The following MAGI2 variants were observed in gnomAD, a reference collection of about 807,000 sequenced individuals.
MAGI2 encodes membrane associated guanylate kinase, WW and PDZ domain containing 2, also known as membrane-associated guanylate kinase, WW and PDZ domain-containing protein 2.
MAGI2 carries 35 observed loss-of-function variants against 133.3 expected under a neutral mutation model. That is an observed-to-expected ratio of 0.26 (90% CI 0.20 to 0.35). The LOEUF is 0.35. Among genes scored for constraint, MAGI2 ranks in the 10% least tolerant of loss-of-function variants. The pLI is 1.00. For synonymous variants in MAGI2, 729 were observed against 710.6 expected (o/e 1.03, Z -0.41); for missense variants, 1,636 against 1,863.4 (o/e 0.88, Z 2.25).
At chr7:79,180,565 A>T (rs1395376814) in intron 1 of MAGI2, among the ~76,000 whole-genome samples, 1 of 152,018 alleles carries the variant, frequency 6.6e-6, no homozygotes, top group Non-Finnish European at 1.5e-5. Context: ...CACTGGTTCC[A>T]TCCCACAACA....
chr7:78,508,769 T>G (rs1208744356), intron 4 of MAGI2, among the ~76,000 whole-genome samples: 1 of 152,234 alleles, frequency 6.6e-6, no homozygotes, highest in Admixed American at 6.5e-5. Flanking sequence ...ATGCATGTTT[T>G]ACCTTTTTTA....
chr7:78,240,238 GT>G (rs1790997135), intron 10 of MAGI2, among the ~76,000 whole-genome samples: 2 of 152,222 alleles, frequency 1.3e-5, no homozygotes, highest in South Asian at 4.1e-4. Context: ...GTGGTGTTTG[GT>G]TTTCTGTCTT....
chr7:78,836,674 G>T (rs1289806112), intron 2 of MAGI2, among the ~76,000 whole-genome samples: 1 of 152,122 alleles, frequency 6.6e-6, no homozygotes, highest in Non-Finnish European at 1.5e-5. Context: ...TAAATGAAGA[G>T]ATTTCTACTA....
In MAGI2 at chr7:79,173,243, CAG is replaced by C. The variant is rs551680914; in HGVS notation, c.302-166039_302-166038del. Among the ~76,000 whole-genome samples, 92 of 151,898 alleles carry C rather than the reference CAG, an allele frequency of 6.1e-4. 1 individual carries two copies. Among genetic ancestry groups the C allele is most frequent in the African/African-American group, 2.1e-3 (88 of 41,482 alleles). On this transcript the variant is annotated intron_variant, in intron 1 of 21. Coordinates refer to ENST00000354212, the MANE Select transcript of MAGI2 (RefSeq NM_012301.4). ...TTTCTTAAGAAACATTGCTAATACT[CAG>C]AGAAATAAAAAAAGCAGTGTCATGT...
intron 2 of MAGI2, among the ~76,000 whole-genome samples, chr7:78,674,671 C>G (rs780908105): frequency 7.2e-5 from 11 of 152,028 alleles, no homozygotes; most frequent in Non-Finnish European, 1.2e-4. Flanking sequence ...ATGGACTAAT[C>G]AAATTATTGT....
intron 2 of MAGI2, among the ~76,000 whole-genome samples, chr7:78,918,709 G>T (rs1798986948): frequency 6.6e-6 from 1 of 152,062 alleles, no homozygotes; most frequent in Non-Finnish European, 1.5e-5. Flanking sequence ...TTTTCCATTT[G>T]AAGATTTGTT....
At chr7:78,256,625 A>C (rs779161502) in intron 9 of MAGI2, 44 bp from the exon 10 acceptor site, 1 of 1,479,882 alleles carries the variant, frequency 6.8e-7, no homozygotes, top group Non-Finnish European at 9.3e-7. Flanking sequence ...AAGTTCAATT[A>C]ACATTGACAT....
intron 1 of MAGI2, among the ~76,000 whole-genome samples, chr7:79,437,986 CA>C (rs1289955402): frequency 1.3e-5 from 2 of 152,048 alleles, no homozygotes; most frequent in Non-Finnish European, 1.5e-5. Flanking sequence ...ATAAGTAAAA[CA>C]GAATATATGT....
chr7:78,501,499 T>TTTTCA, intron 5 of MAGI2, 78 bp downstream of exon 5: 7 of 1,208,538 alleles, frequency 5.8e-6, no homozygotes, highest in South Asian at 2.8e-5. Context: ...TTTTTTTTTT[T>TTTTCA]CCACGTCTAA....
rs369864593 is a variant in MAGI2, at chr7:79,064,147, T to G, written c.302-56941A>C. ...TATATAGTCACATGGAATGCTTTCTTTGTACTACAGAGAATATTTCTAGCT... is the reference window on the plus strand; with the variant it reads ...TATATAGTCACATGGAATGCTTTCTGTGTACTACAGAGAATATTTCTAGCT... On this transcript the variant is annotated intron_variant, in intron 1 of 21. Transcript: ENST00000354212. 9.0e-4 allele frequency among the ~76,000 whole-genome samples: 137 copies of G among 152,142 alleles called. 2 individuals carry two copies. The South Asian group carries it at 0.027, about 30-fold the overall frequency.
intron 2 of MAGI2, among the ~76,000 whole-genome samples, chr7:78,813,785 C>CAA (rs36107160): frequency 0.013 from 1,223 of 96,652 alleles, 36 homozygotes; most frequent in Admixed American, 0.066. Context: ...GATTCTGTCT[C>CAA]AAAAAAAAAA....
chr7:79,297,298 G>A (rs1019208669), intron 1 of MAGI2, among the ~76,000 whole-genome samples: 1 of 152,188 alleles, frequency 6.6e-6, no homozygotes, highest in East Asian at 1.9e-4. Flanking sequence ...GATGCCAGGA[G>A]GAAGATGAGC....
At chr7:78,297,895 T>G in intron 9 of MAGI2, among the ~76,000 whole-genome samples, 1 of 146,328 alleles carries the variant, frequency 6.8e-6, no homozygotes, top group Non-Finnish European at 1.5e-5. Flanking sequence ...AGGTGACGAG[T>G]TAGTGGGTGC....
At chr7:78,175,944 A>C (rs1826555718) in intron 14 of MAGI2, among the ~76,000 whole-genome samples, 1 of 152,212 alleles carries the variant, frequency 6.6e-6, no homozygotes, top group Non-Finnish European at 1.5e-5. Context: ...GGAGGTCAGG[A>C]GGTTCTGTAG....
chr7:79,055,289 T>TG (rs1813050362), intron 1 of MAGI2, among the ~76,000 whole-genome samples: 1 of 151,986 alleles, frequency 6.6e-6, no homozygotes, highest in African/African-American at 2.4e-5. Context: ...GCATGCCTTT[T>TG]TTTTTTTAAC....
chr7:78,929,352 C>A (rs191432034), intron 2 of MAGI2, among the ~76,000 whole-genome samples: 2 of 152,042 alleles, frequency 1.3e-5, no homozygotes, highest in African/African-American at 4.8e-5. Flanking sequence ...TCTCAACTTA[C>A]TATAAAAAGG....
chr7:78,041,499 G>A (rs1584920630), intron 21 of MAGI2, among the ~76,000 whole-genome samples: 1 of 152,048 alleles, frequency 6.6e-6, no homozygotes, highest in Admixed American at 6.5e-5. Flanking sequence ...AACATAGCAA[G>A]ATTCTGACTC....
chr7:79,376,268 G>A (rs35189045), intron 1 of MAGI2, among the ~76,000 whole-genome samples: 236 of 151,932 alleles, frequency 1.6e-3, no homozygotes, highest in Non-Finnish European at 2.8e-3. Flanking sequence ...CAAAGTAGGA[G>A]ATCAATAACT....
At chr7:79,052,244 G>A (rs751713388) in intron 1 of MAGI2, among the ~76,000 whole-genome samples, 52 of 152,260 alleles carry the variant, frequency 3.4e-4, no homozygotes, top group Admixed American at 9.8e-4. Flanking sequence ...AAGGACATTC[G>A]ACAGGAGCAT....
Sources: allele counts gnomAD v4.1 joint callset (sites outside exome capture counted in the v4.1 genomes callset), GRCh38; gene constraint gnomAD v4.1.1; transcripts MANE v1.5; gene names NCBI Gene and HGNC (gene_info 2026-07-23, HGNC 2026-07-21).